The following ADGRL2 variants were observed in gnomAD, a reference collection of about 807,000 sequenced individuals.
ADGRL2 encodes the protein adhesion G protein-coupled receptor L2, also known as calcium-independent alpha-latrotoxin receptor 2.
ADGRL2 carries 44 observed loss-of-function variants against 157.4 expected under a neutral mutation model. The observed-to-expected ratio is 0.28, with a 90% confidence interval of 0.22 to 0.36. The LOEUF (loss-of-function observed/expected upper bound fraction) is 0.36, where lower values mean the gene tolerates loss of function less well. Ranked by LOEUF, ADGRL2 falls within the 10% of genes least tolerant of loss-of-function variation. The pLI, the probability that ADGRL2 is intolerant of heterozygous loss-of-function variation, is 1.00. For synonymous variants in ADGRL2, 585 were observed against 624.7 expected, an observed-to-expected ratio of 0.94 and a Z score of 0.95; for missense variants, 1,510 against 1,768.9, an observed-to-expected ratio of 0.85 and a Z score of 2.63.
chr1:81,848,646 G>A (rs557998436), intron 2 of ADGRL2, among the ~76,000 whole-genome samples: 2 of 152,010 alleles, frequency 1.3e-5, no homozygotes, highest in South Asian at 4.1e-4. Flanking sequence ...GAAAAACTAT[G>A]TTAAGATTTG....
chr1:81,710,889 C>T (rs2149077088), intron 1 of ADGRL2, among the ~76,000 whole-genome samples: 1 of 151,928 alleles, frequency 6.6e-6, no homozygotes, highest in East Asian at 1.9e-4. Context: ...GAATCTGAAA[C>T]CATATCAATG....
chr1:81,341,896 T>C (rs1662102289), intron 1 of ADGRL2, among the ~76,000 whole-genome samples: 1 of 152,188 alleles, frequency 6.6e-6, no homozygotes, highest in South Asian at 2.1e-4. Flanking sequence ...TCTAGGTTTT[T>C]ATATTTCCTT....
intron 2 of ADGRL2, among the ~76,000 whole-genome samples, chr1:81,795,082 C>T (rs1297817576): frequency 6.6e-6 from 1 of 152,092 alleles, no homozygotes; most frequent in Non-Finnish European, 1.5e-5. Context: ...CAATGTTATG[C>T]TATAAAAGAT....
At chr1:81,409,738 C>A (rs2076917589) in intron 1 of ADGRL2, among the ~76,000 whole-genome samples, 1 of 152,170 alleles carries the variant, frequency 6.6e-6, no homozygotes, top group Non-Finnish European at 1.5e-5. Context: ...TCTTGTAAAT[C>A]CATGCAAACA....
chr1:81,665,506 A>G (rs2082734387), intron 3 of ADGRL2, among the ~76,000 whole-genome samples: 2 of 152,214 alleles, frequency 1.3e-5, no homozygotes, highest in East Asian at 3.9e-4. Context: ...TTATCATACA[A>G]TTATATGTTG....
chr1:81,902,044 G>C (rs1307066992), intron 2 of ADGRL2, among the ~76,000 whole-genome samples: 1 of 152,116 alleles, frequency 6.6e-6, no homozygotes, highest in Admixed American at 6.6e-5. Context: ...GTACATGAGT[G>C]ATGTTCATTG....
At chr1:81,789,714 A>T (rs1571230177) in intron 2 of ADGRL2, among the ~76,000 whole-genome samples, 1 of 152,006 alleles carries the variant, frequency 6.6e-6, no homozygotes, top group Non-Finnish European at 1.5e-5. Context: ...AAAAAAAAAA[A>T]AAAAAAAGAA....
intron 3 of ADGRL2, among the ~76,000 whole-genome samples, chr1:81,597,723 T>C (rs918939904): frequency 3.9e-5 from 6 of 152,160 alleles, no homozygotes; most frequent in Non-Finnish European, 5.9e-5. Flanking sequence ...ATATTATAAG[T>C]CAGAAATGCA....
intron 3 of ADGRL2, among the ~76,000 whole-genome samples, chr1:81,671,518 CTT>C (rs34319033): frequency 5.4e-4 from 80 of 147,514 alleles, no homozygotes; most frequent in African/African-American, 4.7e-4. Context: ...TCTGAAATTC[CTT>C]TTTTTTTTTT....
At chr1:81,868,270 A>G (rs2093602947) in intron 2 of ADGRL2, among the ~76,000 whole-genome samples, 1 of 152,124 alleles carries the variant, frequency 6.6e-6, no homozygotes, top group Non-Finnish European at 1.5e-5. Context: ...TGCATTGACT[A>G]AATTACAAAT....
At chr1:81,806,712 A>G (rs1048575275) in intron 1 of ADGRL2, among the ~76,000 whole-genome samples, 1 of 152,056 alleles carries the variant, frequency 6.6e-6, no homozygotes, top group Admixed American at 6.5e-5. Context: ...TGTAGGTTAA[A>G]CATACTTGTA....
chr1:81,797,397 T>C (rs1265652094), upstream of ADGRL2, among the ~76,000 whole-genome samples: 1 of 152,172 alleles, frequency 6.6e-6, no homozygotes, highest in Non-Finnish European at 1.5e-5. Context: ...CGTCCCTCCT[T>C]AATAGTTTTC....
chr1:81,749,904 GAAAC>G (rs2085432836), intron 1 of ADGRL2, among the ~76,000 whole-genome samples: 3 of 152,072 alleles, frequency 2.0e-5, no homozygotes, highest in African/African-American at 4.8e-5. Flanking sequence ...ATTTCCCTGA[GAAAC>G]AAGCCAGTAA....
intron 2 of ADGRL2, among the ~76,000 whole-genome samples, chr1:81,461,912 G>C (rs926155237): frequency 5.5e-4 from 59 of 107,932 alleles, no homozygotes; most frequent in Non-Finnish European, 8.7e-4. Flanking sequence ...GTCTTCCAAA[G>C]AAGGAAGAAA....
chr1:81,844,931 G>A (rs2150369950), intron 2 of ADGRL2, among the ~76,000 whole-genome samples: 1 of 152,006 alleles, frequency 6.6e-6, no homozygotes, highest in South Asian at 2.1e-4. Flanking sequence ...GATTTTGAAT[G>A]TATATATCTT....
intron 2 of ADGRL2, among the ~76,000 whole-genome samples, chr1:81,867,481 A>G (rs75972637): frequency 1.9e-3 from 282 of 152,346 alleles, no homozygotes; most frequent in African/African-American, 6.3e-3. Flanking sequence ...AGGCAGCTCT[A>G]CTGATCCATG....
chr1:81,709,890 A>T (rs921342446), intron 1 of ADGRL2, among the ~76,000 whole-genome samples: 4 of 152,226 alleles, frequency 2.6e-5, no homozygotes, highest in Non-Finnish European at 5.9e-5. Flanking sequence ...TGAAAGAAGT[A>T]AAGTCAATTG....
At chr1:81,624,879 A>C (rs1353763076) in intron 3 of ADGRL2, among the ~76,000 whole-genome samples, 1 of 152,154 alleles carries the variant, frequency 6.6e-6, no homozygotes, top group Non-Finnish European at 1.5e-5. Context: ...ACAAGCATTG[A>C]GTTGCTGTGC....
At chr1:81,338,880 G>T (rs61768871) in intron 1 of ADGRL2, among the ~76,000 whole-genome samples, 29,962 of 152,004 alleles carry the variant, frequency 0.2, 3,106 homozygotes, top group Admixed American at 0.26. Flanking sequence ...TTGACCACTG[G>T]GTCTTCAACT....
Sources: gnomAD v4.1 joint callset for allele counts (sites outside exome capture counted in the v4.1 genomes callset) on GRCh38, gnomAD v4.1.1 for gene constraint, MANE v1.5 for transcripts, NCBI Gene and HGNC (gene_info 2026-07-23, HGNC 2026-07-21) for gene names.